The following MCF2L2 variants were observed in gnomAD, a reference collection of about 807,000 sequenced individuals.
MCF2L2 encodes probable guanine nucleotide exchange factor MCF2L2.
MCF2L2 carries 102 observed loss-of-function variants against 150.2 expected under a neutral mutation model. The observed-to-expected ratio is 0.68, with a 90% CI of 0.58 to 0.80. The LOEUF is 0.80. Ranked by LOEUF, MCF2L2 falls within the 30% of genes least tolerant of loss-of-function variation. MCF2L2 has a pLI of 0.00. For missense variants in MCF2L2, 1,256 were observed against 1,372.8 expected (o/e 0.91, Z 1.34); for synonymous variants, 465 against 491.3 (o/e 0.95, Z 0.71).
intron 15 of MCF2L2, among the ~76,000 whole-genome samples, chr3:183,247,834 A>C (rs564165944): frequency 1.3e-5 from 2 of 152,204 alleles, no homozygotes; most frequent in Non-Finnish European, 2.9e-5. Flanking sequence ...ACCATTTTAC[A>C]TAAGAGACTT....
intron 18 of MCF2L2, chr3:183,226,374 C>T (rs1244985662): frequency 6.6e-6 from 1 of 151,538 alleles, no homozygotes; most frequent in Non-Finnish European, 1.5e-5. Flanking sequence ...ATCAGGGAGT[C>T]AGAGGTTGCA....
chr3:183,215,782 C>G (rs1576929017), intron 22 of MCF2L2, among the ~76,000 whole-genome samples, 187 bp downstream of exon 22: 1 of 152,200 alleles, frequency 6.6e-6, no homozygotes, highest in East Asian at 1.9e-4. Flanking sequence ...ATCCAAGATT[C>G]CTGAAGATGC....
intron 10 of MCF2L2, among the ~76,000 whole-genome samples, chr3:183,301,793 C>CAAAAAAAAAAAAAAAAAAAAA (rs200514561): frequency 8.0e-6 from 1 of 124,346 alleles, no homozygotes; most frequent in African/African-American, 3.0e-5. Flanking sequence ...GCTCTGTCTC[C>CAAAAAAAAAAAAAAAAAAAAA]AAAAAAAAAA....
chr3:183,264,388 C>T (rs1725906993), intron 15 of MCF2L2, among the ~76,000 whole-genome samples: 1 of 152,244 alleles, frequency 6.6e-6, no homozygotes, highest in Non-Finnish European at 1.5e-5. Context: ...GTCATGCAGA[C>T]ACACTGTACC....
intron 2 of MCF2L2, among the ~76,000 whole-genome samples, chr3:183,380,222 T>C (rs1377486955): frequency 1.3e-5 from 2 of 152,122 alleles, no homozygotes; most frequent in African/African-American, 4.8e-5. Flanking sequence ...ATGGAGCCAT[T>C]TGACTAAGTT....
At chr3:183,357,274 C>T (rs1711843397) in intron 3 of MCF2L2, among the ~76,000 whole-genome samples, 1 of 152,120 alleles carries the variant, frequency 6.6e-6, no homozygotes, top group Non-Finnish European at 1.5e-5. Context: ...TACTTATAAA[C>T]ATTTTTAAAA....
chr3:183,306,370 T>C (rs984597116), intron 10 of MCF2L2, among the ~76,000 whole-genome samples: 1 of 152,232 alleles, frequency 6.6e-6, no homozygotes, highest in Admixed American at 6.5e-5. Context: ...GGCTAAAATC[T>C]TCTGATCACA....
chr3:183,296,855 G>C, intron 12 of MCF2L2, 121 bp downstream of exon 12: 1 of 1,110,058 alleles, frequency 9.0e-7, no homozygotes, highest in Non-Finnish European at 1.3e-6. Flanking sequence ...TTCGGAACCA[G>C]TGAGCCCACT....
chr3:183,220,009 C>A, intron 20 of MCF2L2, 85 bp from the exon 21 acceptor site: 1 of 914,220 alleles, frequency 1.1e-6, no homozygotes, highest in Non-Finnish European at 1.8e-6. Context: ...ACTGTGCAAA[C>A]TATCTGCCAC....
chr3:183,378,732 C>T (rs1447856805), intron 3 of MCF2L2: 1 of 152,022 alleles, frequency 6.6e-6, no homozygotes, highest in East Asian at 1.9e-4. Context: ...AAAGCAACAG[C>T]CTAGGCCGGG....
chr3:183,267,891 C>T lies in MCF2L2; in HGVS notation c.1862+8981G>A, dbSNP rs555326990. On this transcript the variant is annotated intron_variant, in intron 15 of 29. Coordinates refer to ENST00000328913, the MANE Select transcript of MCF2L2 (RefSeq NM_015078.4). The surrounding 1 kb of genome is among the most constrained non-coding windows in gnomAD (Gnocchi z 5.5). ...TTTGAGTAAACAGTGGCTCCACCCC[C>T]GGCATGGTTCTTTGCACCAACATTT... Among the ~76,000 whole-genome samples, 3 of 152,202 alleles carry T rather than the reference C, an allele frequency of 2.0e-5. No individual in the cohort carries two copies. The highest frequency in any genetic ancestry group is 2.9e-5 in the Non-Finnish European group (2 of 68,042).
intron 5 of MCF2L2, among the ~76,000 whole-genome samples, chr3:183,326,535 C>T (rs1730046594): frequency 7.1e-6 from 1 of 141,160 alleles, no homozygotes. Context: ...AACCCACAAA[C>T]CTTTTTATCC....
intron 3 of MCF2L2, 44 bp from the exon 4 acceptor site, chr3:183,341,674 T>C: frequency 7.4e-6 from 10 of 1,350,044 alleles, no homozygotes; most frequent in Non-Finnish European, 1.1e-5. Context: ...GTGAGACCCA[T>C]ATGCTCCATG....
At chr3:183,407,269 T>C (rs576977161) in intron 1 of MCF2L2, among the ~76,000 whole-genome samples, 11 of 152,292 alleles carry the variant, frequency 7.2e-5, no homozygotes, top group African/African-American at 2.6e-4. Flanking sequence ...TGCTTTAAAG[T>C]AAGTTTTAAA....
intron 27 of MCF2L2, chr3:183,192,630 C>T (rs966161929): frequency 1.8e-5 from 3 of 170,054 alleles, no homozygotes; most frequent in African/African-American, 7.1e-5. Flanking sequence ...CAGATTTCAT[C>T]GCACTACTCA....
At chr3:183,356,696 A>G (rs1711806991) in intron 3 of MCF2L2, among the ~76,000 whole-genome samples, 1 of 152,196 alleles carries the variant, frequency 6.6e-6, no homozygotes, top group Non-Finnish European at 1.5e-5. Flanking sequence ...AAGTCAGATA[A>G]TTATATTTAC....
rs892042075 is a variant in MCF2L2, at chr3:183,305,271, T to C, written c.1113+4445A>G. Among the ~76,000 whole-genome samples the C allele has an allele frequency of 1.6e-4, 25 of 151,944 alleles. No homozygotes were observed. The highest frequency in any genetic ancestry group is 5.8e-4 in the African/African-American group (24 of 41,260). On this transcript the variant is annotated intron_variant, in intron 10 of 29. Coordinates refer to ENST00000328913, the MANE Select transcript of MCF2L2 (RefSeq NM_015078.4). The surrounding 1 kb of genome is among the most constrained non-coding windows in gnomAD (Gnocchi z 4.1). Reference sequence around the variant, plus strand: ...CCTCATTTGGTTGCTCGAACTTGTCTGACTTTAGTCAAATATAGAAACATG... The same window carrying C: ...CCTCATTTGGTTGCTCGAACTTGTCCGACTTTAGTCAAATATAGAAACATG...
intron 5 of MCF2L2, among the ~76,000 whole-genome samples, chr3:183,334,056 G>A (rs1730373595): frequency 6.6e-6 from 1 of 151,656 alleles, no homozygotes; most frequent in Admixed American, 6.6e-5. Flanking sequence ...GACAGCTGGA[G>A]CACCACGATA....
intron 7 of MCF2L2, among the ~76,000 whole-genome samples, chr3:183,316,638 C>T (rs1297680116): frequency 6.6e-6 from 1 of 151,198 alleles, no homozygotes; most frequent in Non-Finnish European, 1.5e-5. Flanking sequence ...AGCCACTGCA[C>T]CCAGCCCATT....
Sources: gnomAD v4.1 joint callset for allele counts (sites outside exome capture counted in the v4.1 genomes callset) on GRCh38, gnomAD v4.1.1 for gene constraint, Gnocchi (gnomAD v3.1) non-coding constraint, MANE v1.5 for transcripts, NCBI Gene and HGNC (gene_info 2026-07-23, HGNC 2026-07-21) for gene names.